PTPRD: variants seen among roughly 807,000 people sequenced by gnomAD.
PTPRD encodes receptor-type tyrosine-protein phosphatase delta.
Under a neutral mutation model 214.5 loss-of-function variants are expected in PTPRD, and 34 were observed. The observed-to-expected ratio is 0.16, with a 90% CI of 0.12 to 0.21. The LOEUF (loss-of-function observed/expected upper bound fraction) is 0.21. PTPRD is among the 10% of genes least tolerant of loss of function. The probability of loss-of-function intolerance (pLI) is 1.00; values close to 1 mark genes in which losing one functional copy is unlikely to be tolerated. For synonymous variants in PTPRD, 1,128 were observed against 845.7 expected (o/e 1.33, Z -5.79); for missense variants, 2,545 against 2,398.7 (o/e 1.06, Z -1.27).
chr9:9,141,261 G>T (rs78553685), intron 10 of PTPRD, among the ~76,000 whole-genome samples: 17,448 of 143,026 alleles, frequency 0.12, 1,117 homozygotes, highest in East Asian at 0.21. Context: ...CTCAGGGGAA[G>T]ACTATTCCCC....
chr9:9,930,907 G>A (rs1042226135), intron 5 of PTPRD, among the ~76,000 whole-genome samples: 5 of 151,312 alleles, frequency 3.3e-5, no homozygotes, highest in Admixed American at 2.6e-4. Flanking sequence ...AGGACTTTAC[G>A]CATTTACTAG....
At chr9:9,828,879 T>A (rs1462764608) in intron 5 of PTPRD, among the ~76,000 whole-genome samples, 1 of 151,946 alleles carries the variant, frequency 6.6e-6, no homozygotes, top group East Asian at 1.9e-4. Context: ...CTCACTTCCA[T>A]TTAACTCTAT....
intron 37 of PTPRD, among the ~76,000 whole-genome samples, chr9:8,388,114 G>C (rs989621137): frequency 1.3e-5 from 2 of 152,162 alleles, no homozygotes; most frequent in Admixed American, 1.3e-4. Context: ...CACTGCTTTT[G>C]ATTTCCCACC....
intron 5 of PTPRD, among the ~76,000 whole-genome samples, chr9:9,868,701 A>T (rs1035718849): frequency 2.0e-5 from 3 of 149,438 alleles, no homozygotes; most frequent in African/African-American, 7.7e-5. Flanking sequence ...CACACCTAGG[A>T]ATATCCTAAT....
At chr9:9,787,059 C>A (rs1302162164) in intron 5 of PTPRD, among the ~76,000 whole-genome samples, 8 of 151,956 alleles carry the variant, frequency 5.3e-5, no homozygotes, top group Admixed American at 4.6e-4. Flanking sequence ...ATTGCTTGAA[C>A]CCGGGCAGCG....
At chr9:10,063,517 T>C (rs1286364071) in intron 3 of PTPRD, among the ~76,000 whole-genome samples, 1 of 152,056 alleles carries the variant, frequency 6.6e-6, no homozygotes, top group African/African-American at 2.4e-5. Flanking sequence ...ACCTTGGAAA[T>C]ATTTTAACTT....
intron 4 of PTPRD, among the ~76,000 whole-genome samples, chr9:9,965,365 G>A (rs551409029): frequency 4.3e-4 from 66 of 152,242 alleles, no homozygotes; most frequent in African/African-American, 9.6e-4. Context: ...CTTTCAAAAC[G>A]GAGGAGACTG....
chr9:8,993,963 G>A (rs2099387116), intron 11 of PTPRD, among the ~76,000 whole-genome samples: 1 of 152,068 alleles, frequency 6.6e-6, no homozygotes, highest in Non-Finnish European at 1.5e-5. Context: ...TTAGAGGAGG[G>A]AGTCATCGTT....
intron 35 of PTPRD, among the ~76,000 whole-genome samples, chr9:8,434,507 T>C (rs2095260094): frequency 1.3e-5 from 2 of 152,200 alleles, no homozygotes; most frequent in Non-Finnish European, 2.9e-5. Flanking sequence ...ATCCCTGTCA[T>C]CAAGTGGTGC....
intron 12 of PTPRD, among the ~76,000 whole-genome samples, chr9:8,674,447 ACG>A: frequency 7.8e-6 from 1 of 127,514 alleles, no homozygotes; most frequent in African/African-American, 3.1e-5. Flanking sequence ...GCAGAGCAAG[ACG>A]CTGTCTCAAA....
chr9:8,839,318 T>G (rs2255101), intron 11 of PTPRD, among the ~76,000 whole-genome samples: 83 of 53,816 alleles, frequency 1.5e-3, no homozygotes, highest in African/African-American at 4.2e-3. Flanking sequence ...ATTTATTTAT[T>G]TATTTATTTA....
chr9:10,449,059 C>T (rs2098818668), intron 2 of PTPRD, among the ~76,000 whole-genome samples: 1 of 152,036 alleles, frequency 6.6e-6, no homozygotes, highest in Non-Finnish European at 1.5e-5. Context: ...CTCTCCGTCT[C>T]CCACTTTCCA....
chr9:10,278,964 C>A (rs552075680), intron 3 of PTPRD, among the ~76,000 whole-genome samples: 1 of 151,954 alleles, frequency 6.6e-6, no homozygotes, highest in Admixed American at 6.6e-5. Context: ...TTAGTAGAGA[C>A]GGGGCTTCAC....
intron 5 of PTPRD, among the ~76,000 whole-genome samples, chr9:9,931,419 G>A (rs2153927730): frequency 6.6e-6 from 1 of 152,328 alleles, no homozygotes; most frequent in Non-Finnish European, 1.5e-5. Context: ...CTCCAGAAGT[G>A]CAAGGTGTCA....
At chr9:8,557,369 T>C (rs1240449052) in intron 14 of PTPRD, among the ~76,000 whole-genome samples, 1 of 151,062 alleles carries the variant, frequency 6.6e-6, no homozygotes, top group Non-Finnish European at 1.5e-5. Context: ...ATGATACCTA[T>C]TCTAGTCCAT....
At chr9:10,218,007 G>C (rs1171454824) in intron 3 of PTPRD, among the ~76,000 whole-genome samples, 3 of 151,706 alleles carry the variant, frequency 2.0e-5, no homozygotes, top group African/African-American at 7.3e-5. Flanking sequence ...CGGGGTAGGG[G>C]GGTTAATTCT....
intron 8 of PTPRD, among the ~76,000 whole-genome samples, chr9:9,401,100 A>G (rs934111735): frequency 2.6e-5 from 4 of 152,136 alleles, no homozygotes; most frequent in African/African-American, 9.6e-5. Context: ...GGAATAAACA[A>G]GCTATTTCAG....
At chr9:10,490,562 T>A (rs922013533) in intron 2 of PTPRD, among the ~76,000 whole-genome samples, 1 of 152,160 alleles carries the variant, frequency 6.6e-6, no homozygotes, top group African/African-American at 2.4e-5. Flanking sequence ...ATTTTTGACA[T>A]TTCTTAAGTT....
At chr9:9,646,547 T>C (rs1402629862) in intron 7 of PTPRD, among the ~76,000 whole-genome samples, 1 of 152,178 alleles carries the variant, frequency 6.6e-6, no homozygotes, top group Non-Finnish European at 1.5e-5. Context: ...ATTATCTGTT[T>C]ATACTGAGAA....
Sources: allele counts gnomAD v4.1 joint callset (sites outside exome capture counted in the v4.1 genomes callset), GRCh38; gene constraint gnomAD v4.1.1; transcripts MANE v1.5; gene names NCBI Gene and HGNC (gene_info 2026-07-23, HGNC 2026-07-21).